Variants in KBTBD3 observed in about 807,000 individuals in gnomAD.
The protein encoded by KBTBD3 is kelch repeat and BTB domain containing 3.
KBTBD3 carries 38 observed loss-of-function variants against 49.6 expected under a neutral mutation model. That is an observed-to-expected ratio of 0.77 (90% CI 0.59 to 1.00). KBTBD3 has a LOEUF of 1.00. Ranked by LOEUF, KBTBD3 falls within the 50% of genes least tolerant of loss-of-function variation. The probability of loss-of-function intolerance (pLI) is 0.00; values close to 1 mark genes in which losing one functional copy is unlikely to be tolerated. For synonymous variants in KBTBD3, 214 were observed against 250.4 expected (o/e 0.85, Z 1.37); for missense variants, 661 against 712.0 (o/e 0.93, Z 0.81).
chr11:106,057,652 G>A (rs1860582589), intron 3 of KBTBD3: 1 of 161,882 alleles, frequency 6.2e-6, no homozygotes, highest in Non-Finnish European at 1.3e-5. Context: ...ATTCTCTTTA[G>A]GGTGATCTAC....
At chr11:106,069,247 C>G (rs1440399201) in intron 2 of KBTBD3, among the ~76,000 whole-genome samples, 1 of 151,912 alleles carries the variant, frequency 6.6e-6, no homozygotes, top group Non-Finnish European at 1.5e-5. Flanking sequence ...AGCAAGCACA[C>G]TAAAACAAGA....
intron 2 of KBTBD3, among the ~76,000 whole-genome samples, chr11:106,069,220 A>T (rs979169974): frequency 6.6e-6 from 1 of 152,152 alleles, no homozygotes; most frequent in Non-Finnish European, 1.5e-5. Context: ...TTCAGTTTCC[A>T]AGTGCATGTA....
intron 2 of KBTBD3, among the ~76,000 whole-genome samples, chr11:106,069,846 C>T (rs1004153702): frequency 2.0e-5 from 3 of 151,908 alleles, no homozygotes; most frequent in Non-Finnish European, 4.4e-5. Flanking sequence ...TATCAGTCTA[C>T]CTGATTTCAA....
intron 2 of KBTBD3, among the ~76,000 whole-genome samples, chr11:106,061,212 T>C (rs942716922): frequency 6.6e-6 from 1 of 152,190 alleles, no homozygotes; most frequent in Non-Finnish European, 1.5e-5. Context: ...CCAAGAGGCC[T>C]AGGTGGAAGC....
In KBTBD3 at chr11:106,051,910, T is replaced by C. The variant is rs1207831702; in HGVS notation, c.*940A>G. 6.6e-6 allele frequency: 1 copy of C among 151,904 alleles called. No individual in the cohort carries two copies. The highest frequency in any genetic ancestry group is 6.6e-5 in the Admixed American group (1 of 15,218). 9.4% of individuals were successfully genotyped at this position (151,904 alleles called of 1,614,324 possible). A position where few individuals can be genotyped will look rare whatever the true frequency, so the allele number is the denominator to read the frequency against. On this transcript the variant is annotated 3_prime_UTR_variant, in exon 4 of 4. Transcript: ENST00000531837. ...TATGGTACTAATTTAAATCCTGAAA[T>C]GTTTTATGTAGCTGAAATTTGGATA...
In KBTBD3 at chr11:106,053,885, A is replaced by G. The variant is rs547428122; in HGVS notation, c.804T>C (p.Phe268=). 1 of 1,614,048 alleles carries G rather than the reference A, an allele frequency of 6.2e-7. No homozygotes were observed. The highest frequency in any genetic ancestry group is 1.3e-5 in the African/African-American group (1 of 75,046). The change falls in exon 4 of 4, where the codon TTT becomes TTC. Residue 268 remains phenylalanine, a synonymous_variant. Transcript: ENST00000531837. ...ACTTAATTGCATCCATGATTATGTC[A>G]AAACAGTTTGTGCTTTTGAGTAAAC... is the stretch of plus-strand genomic sequence containing the variant. The part of the protein sequence containing the change: ...EESLLKSTNC[F]DIIMDAIKCV...
chr11:106,070,337 T>C (rs999631443), intron 2 of KBTBD3, among the ~76,000 whole-genome samples: 1 of 143,684 alleles, frequency 7.0e-6, no homozygotes, highest in African/African-American at 2.4e-5. Flanking sequence ...AGGAAAAAAA[T>C]ATTTGCAAAC....
chr11:106,053,397 G>T lies in KBTBD3; in HGVS notation c.1292C>A (p.Ser431Tyr). 1.9e-6 allele frequency: 3 copies of T among 1,613,300 alleles called. No homozygotes were observed. The highest frequency in any genetic ancestry group is 2.5e-6 in the Non-Finnish European group (3 of 1,179,760). ...TGGGCTAACAGATATCCATTCTTTGGAAAGAGGATTGTAAGATTCAACATC... is the reference window on the plus strand; with the variant it reads ...TGGGCTAACAGATATCCATTCTTTGTAAAGAGGATTGTAAGATTCAACATC... Reference protein sequence around the residue: ...LLDVESYNPLSKEWISVSPLP... With the variant: ...LLDVESYNPLYKEWISVSPLP... The change falls in exon 4 of 4, where the codon TCC becomes TAC. Residue 431 changes from serine (S) to tyrosine (Y), a missense_variant. Coordinates refer to ENST00000531837, the MANE Select transcript of KBTBD3 (RefSeq NM_198439.3).
intron 2 of KBTBD3, among the ~76,000 whole-genome samples, chr11:106,068,968 T>A (rs1421759211): frequency 6.6e-6 from 1 of 152,094 alleles, no homozygotes; most frequent in Non-Finnish European, 1.5e-5. Context: ...CCATATCAAC[T>A]GATGCATAAA....
At chr11:106,061,955 A>C (rs777598417) in intron 2 of KBTBD3, among the ~76,000 whole-genome samples, 15 of 151,884 alleles carry the variant, frequency 9.9e-5, no homozygotes, top group Non-Finnish European at 2.2e-4. Context: ...TATTATACAA[A>C]GCAAATATAA....
chr11:106,058,981 TA>T lies in KBTBD3; in HGVS notation c.116del (p.Leu39Ter), dbSNP rs765981219. 6.4e-7 allele frequency: 1 copy of T among 1,552,910 alleles called. No individual in the cohort carries two copies. Among genetic ancestry groups the T allele is most frequent in the Non-Finnish European group, 8.6e-7 (1 of 1,158,710 alleles). ...GTTCTCTAAAATTCTGTAGTACACT[TA>T]AGATTTTTTGTCCATGATCTTCTGA... ...LVSEDHGQKILSVLQNFREQN... is the reference protein window; with the variant it reads ...LVSEDHGQKIXSVLQNFREQN... On this transcript the variant is annotated frameshift_variant, in exon 3 of 4. Transcript: ENST00000531837. LOFTEE classifies it high-confidence loss of function.
chr11:106,061,573 G>A (rs80258256), intron 2 of KBTBD3, among the ~76,000 whole-genome samples: 2 of 152,208 alleles, frequency 1.3e-5, no homozygotes, highest in East Asian at 3.9e-4. Flanking sequence ...CTGTAGATGT[G>A]CCTCAGCCTG....
At chr11:106,060,929 C>G (rs985697124) in intron 2 of KBTBD3, among the ~76,000 whole-genome samples, 8 of 152,132 alleles carry the variant, frequency 5.3e-5, no homozygotes, top group Non-Finnish European at 1.0e-4. Context: ...CTACAAGGAA[C>G]TTAAACAAAT....
At chr11:106,056,048 G>A (rs1042127493) in intron 3 of KBTBD3, among the ~76,000 whole-genome samples, 1 of 152,016 alleles carries the variant, frequency 6.6e-6, no homozygotes, top group Non-Finnish European at 1.5e-5. Context: ...TTCCATCTCA[G>A]TAATAATTTT....
intron 2 of KBTBD3, among the ~76,000 whole-genome samples, chr11:106,065,885 C>A (rs1860800650): frequency 6.7e-6 from 1 of 149,752 alleles, no homozygotes; most frequent in African/African-American, 2.5e-5. Context: ...CGCTTGAACC[C>A]AGGAGGCAGA....
rs538474567 is a variant in KBTBD3, at chr11:106,051,411, A to G, written c.*1439T>C. ...GATATTCCATTCTGTTTTGAAAAAT[A>G]CATTTGGAACTTATCGTTGCATAAA... On this transcript the variant is annotated 3_prime_UTR_variant, in exon 4 of 4. Transcript: ENST00000531837. 2.0e-5 allele frequency: 3 copies of G among 152,102 alleles called. No homozygotes were observed. The highest frequency in any genetic ancestry group is 6.6e-5 in the Admixed American group (1 of 15,238). The allele number at this position is 152,102 out of a possible 1,614,324, so 9.4% of individuals were successfully genotyped here.
chr11:106,074,112 A>G (rs1397762051), intron 2 of KBTBD3, among the ~76,000 whole-genome samples: 2 of 73,700 alleles, frequency 2.7e-5, no homozygotes, highest in South Asian at 5.6e-4. Flanking sequence ...AATGCCGAAC[A>G]CCCCCCCCCA....
chr11:106,068,594 T>C (rs1240618272), intron 2 of KBTBD3, among the ~76,000 whole-genome samples: 1 of 152,026 alleles, frequency 6.6e-6, no homozygotes, highest in Non-Finnish European at 1.5e-5. Flanking sequence ...ATTAAGGAGA[T>C]TAAATTTACC....
chr11:106,053,336 T>A lies in KBTBD3; in HGVS notation c.1353A>T (p.Thr451=), dbSNP rs751453753. ...CAAGAACATAAATTACATTTTGGCA[T>A]GTGCTTGCTTCTGGATAGTATATGC... The part of the protein sequence containing the change: ...PRGIYYPEAS[T]CQNVIYVLGS... Residue 451 remains threonine, a synonymous_variant, in exon 4 of 4, where the codon ACA becomes ACT. Coordinates refer to ENST00000531837, the MANE Select transcript of KBTBD3 (RefSeq NM_198439.3). 1 of 1,613,420 alleles carries A rather than the reference T, an allele frequency of 6.2e-7. No homozygotes were observed. Among genetic ancestry groups the A allele is most frequent in the Non-Finnish European group, 8.5e-7 (1 of 1,179,810 alleles).
Sources: gnomAD v4.1 joint callset for allele counts (sites outside exome capture counted in the v4.1 genomes callset) on GRCh38, gnomAD v4.1.1 for gene constraint, MANE v1.5 for transcripts, NCBI Gene and HGNC (gene_info 2026-07-23, HGNC 2026-07-21) for gene names.